Variants in KCNIP4 observed in about 807,000 individuals in gnomAD.
KCNIP4 encodes Kv channel-interacting protein 4.
In KCNIP4, 12 loss-of-function variants were observed where a neutral mutation model predicts 34.0. That is an observed-to-expected ratio of 0.35 (90% CI 0.23 to 0.57). KCNIP4 has a LOEUF of 0.57. Ranked by LOEUF, KCNIP4 falls within the 20% of genes least tolerant of loss-of-function variation. The pLI is 0.83. For synonymous variants in KCNIP4, 124 were observed against 102.2 expected (o/e 1.21, Z -1.29); for missense variants, 238 against 311.7 (o/e 0.76, Z 1.78).
intron 1 of KCNIP4, among the ~76,000 whole-genome samples, chr4:20,887,324 C>G (rs193180264): frequency 2.7e-3 from 405 of 151,222 alleles, no homozygotes; most frequent in Non-Finnish European, 4.8e-3. Flanking sequence ...AATTTTGAAG[C>G]AATAATGACC....
chr4:20,768,968 C>T (rs1248185537), intron 3 of KCNIP4, among the ~76,000 whole-genome samples: 1 of 151,712 alleles, frequency 6.6e-6, no homozygotes, highest in East Asian at 2.0e-4. Flanking sequence ...TTCTCAGGGT[C>T]ACCCAGGATG....
At chr4:20,992,264 TC>T (rs1401133167) in intron 1 of KCNIP4, among the ~76,000 whole-genome samples, 1 of 152,108 alleles carries the variant, frequency 6.6e-6, no homozygotes, top group Non-Finnish European at 1.5e-5. Context: ...GGCACTTTCT[TC>T]ACAGGGTGGC....
chr4:21,345,592 T>A (rs747301393), intron 1 of KCNIP4, among the ~76,000 whole-genome samples: 8 of 151,914 alleles, frequency 5.3e-5, no homozygotes, highest in African/African-American at 1.9e-4. Context: ...TAAAAAAAAA[T>A]TAGAGCTGTA....
intron 1 of KCNIP4, among the ~76,000 whole-genome samples, chr4:20,949,139 A>T (rs1413204594): frequency 6.6e-6 from 1 of 152,206 alleles, no homozygotes; most frequent in East Asian, 1.9e-4. Flanking sequence ...AAGTGAGAGT[A>T]CGGTAACAGC....
At chr4:21,515,847 G>T (rs2109934309) in intron 1 of KCNIP4, among the ~76,000 whole-genome samples, 1 of 152,252 alleles carries the variant, frequency 6.6e-6, no homozygotes, top group African/African-American at 2.4e-5. Flanking sequence ...CTTGCTTGAT[G>T]TTCATCCTTC....
At chr4:21,837,922 C>T (rs1019269996) in intron 1 of KCNIP4, among the ~76,000 whole-genome samples, 2 of 152,128 alleles carry the variant, frequency 1.3e-5, no homozygotes, top group Non-Finnish European at 2.9e-5. Context: ...GGCCAATTAT[C>T]TCCAGGCATG....
chr4:21,158,294 A>G (rs1408438307), intron 1 of KCNIP4, among the ~76,000 whole-genome samples: 1 of 152,160 alleles, frequency 6.6e-6, no homozygotes, highest in African/African-American at 2.4e-5. Context: ...GACTTCCACA[A>G]ATATTCTATG....
intron 1 of KCNIP4, chr4:21,718,999 C>T (rs1577897947): frequency 6.6e-6 from 1 of 152,158 alleles, no homozygotes; most frequent in East Asian, 1.9e-4. Context: ...GATGACAGCA[C>T]TCAGCGGTAA....
chr4:21,918,048 C>T lies in KCNIP4; in HGVS notation c.61+30523G>A, dbSNP rs903762094. Among the ~76,000 whole-genome samples the T allele has an allele frequency of 7.2e-5, 11 of 152,098 alleles. 1 individual carries two copies. Among genetic ancestry groups the T allele is most frequent in the African/African-American group, 2.7e-4 (11 of 41,420 alleles). ...CAGGGAAGAGCTAGGACTTTGACAC[C>T]CCCATTAGGTGGTGGCAACATGTTT... On this transcript the variant is annotated intron_variant, in intron 1 of 8. Transcript: ENST00000382152.
intron 5 of KCNIP4, among the ~76,000 whole-genome samples, chr4:20,748,470 C>T (rs540149544): frequency 6.6e-6 from 1 of 151,032 alleles, no homozygotes; most frequent in South Asian, 2.1e-4. Flanking sequence ...TCATCATCTG[C>T]TTCCCTTTAT....
chr4:21,570,087 CAG>C (rs770075458), intron 1 of KCNIP4, among the ~76,000 whole-genome samples: 50 of 152,118 alleles, frequency 3.3e-4, no homozygotes, highest in Non-Finnish European at 6.2e-4. Context: ...ACCTGGAAGT[CAG>C]AAAAGAATCC....
At chr4:21,049,182 C>T (rs1742713657) in intron 1 of KCNIP4, among the ~76,000 whole-genome samples, 1 of 151,438 alleles carries the variant, frequency 6.6e-6, no homozygotes, top group Non-Finnish European at 1.5e-5. Flanking sequence ...GATCTCCTGA[C>T]CTCGTGATCC....
chr4:21,040,968 C>T (rs1345166452), intron 1 of KCNIP4, among the ~76,000 whole-genome samples: 1 of 125,420 alleles, frequency 8.0e-6, no homozygotes, highest in Non-Finnish European at 1.7e-5. Context: ...AAAAAAAAAA[C>T]ATAAAAATTA....
At chr4:21,652,372 A>T (rs1331426117) in intron 1 of KCNIP4, among the ~76,000 whole-genome samples, 2 of 152,160 alleles carry the variant, frequency 1.3e-5, no homozygotes, top group African/African-American at 4.8e-5. Context: ...TTGATGAAAA[A>T]GTATAGGGAG....
intron 1 of KCNIP4, among the ~76,000 whole-genome samples, chr4:20,975,789 T>G (rs1735431250): frequency 6.6e-6 from 1 of 152,212 alleles, no homozygotes; most frequent in Non-Finnish European, 1.5e-5. Flanking sequence ...ATCTAGTCTA[T>G]TCTCAATTTT....
chr4:20,755,868 G>A (rs965133773), intron 4 of KCNIP4, among the ~76,000 whole-genome samples: 1 of 152,104 alleles, frequency 6.6e-6, no homozygotes, highest in Non-Finnish European at 1.5e-5. Flanking sequence ...ATGGCAAGGG[G>A]GCCACTGTGG....
chr4:21,672,728 A>G (rs1749598936), intron 1 of KCNIP4, among the ~76,000 whole-genome samples: 2 of 152,218 alleles, frequency 1.3e-5, no homozygotes, highest in South Asian at 4.1e-4. Flanking sequence ...TTGGCATATT[A>G]AAACAGCAAA....
chr4:20,913,206 C>T (rs1728491589), intron 1 of KCNIP4, among the ~76,000 whole-genome samples: 6 of 151,462 alleles, frequency 4.0e-5, no homozygotes, highest in Admixed American at 3.9e-4. Context: ...GTGATATGTG[C>T]TACCACAGAG....
At chr4:21,722,593 T>C (rs548915959) in intron 1 of KCNIP4, among the ~76,000 whole-genome samples, 75 of 152,256 alleles carry the variant, frequency 4.9e-4, no homozygotes, top group African/African-American at 1.8e-3. Context: ...CAACACGTCA[T>C]TTGGGCAACC....
Sources: allele counts gnomAD v4.1 joint callset (sites outside exome capture counted in the v4.1 genomes callset), GRCh38; gene constraint gnomAD v4.1.1; transcripts MANE v1.5; gene names NCBI Gene and HGNC (gene_info 2026-07-23, HGNC 2026-07-21).